RAP1B: variants seen among roughly 807,000 people sequenced by gnomAD.
RAP1B encodes the protein RAP1B, member of RAS oncogene family.
RAP1B carries 1 observed loss-of-function variant against 27.5 expected under a neutral mutation model. That is an observed-to-expected ratio of 0.04 (90% CI 0.01 to 0.17). The LOEUF (loss-of-function observed/expected upper bound fraction) is 0.17. RAP1B is among the 10% of genes least tolerant of loss of function. The probability of loss-of-function intolerance (pLI) is 1.00; values close to 1 mark genes in which losing one functional copy is unlikely to be tolerated. For synonymous variants in RAP1B, 75 were observed against 73.1 expected (o/e 1.03, Z -0.13); for missense variants, 84 against 214.8 (o/e 0.39, Z 3.81).
In RAP1B at chr12:68,666,747, T is replaced by G. The variant is rs1592478429; in HGVS notation, c.*7498T>G. 3 of 152,164 alleles carry G rather than the reference T, an allele frequency of 2.0e-5. No individual in the cohort carries two copies. In the East Asian group the frequency reaches 5.8e-4, roughly 29 times the overall value. 9.4% of individuals were successfully genotyped at this position (152,164 alleles called of 1,614,324 possible). A position where few individuals can be genotyped will look rare whatever the true frequency, so the allele number is the denominator to read the frequency against. On this transcript the variant is annotated 3_prime_UTR_variant, in exon 8 of 8. Coordinates refer to ENST00000250559, the MANE Select transcript of RAP1B (RefSeq NM_001010942.3). ...GAGCCATTAACAACCTACCAAAACATTTTAACAATTTTTCAGTACCAAAGA... is the reference window on the plus strand; with the variant it reads ...GAGCCATTAACAACCTACCAAAACAGTTTAACAATTTTTCAGTACCAAAGA...
intron 1 of RAP1B, chr12:68,624,504 T>G (rs1359231252): frequency 6.6e-6 from 1 of 152,174 alleles, no homozygotes; most frequent in East Asian, 1.9e-4. Context: ...TTAAAAATCC[T>G]CAGACCAGAC....
chr12:68,653,590 A>AT (rs1180239082), intron 4 of RAP1B, among the ~76,000 whole-genome samples: 1 of 152,140 alleles, frequency 6.6e-6, no homozygotes, highest in South Asian at 2.1e-4. Context: ...ACTTGAGTAT[A>AT]TTTTTTGTAT....
intron 1 of RAP1B, among the ~76,000 whole-genome samples, chr12:68,645,020 G>A (rs1048188630): frequency 9.2e-5 from 14 of 152,104 alleles, no homozygotes; most frequent in African/African-American, 1.7e-4. Context: ...TTTTGTTGAC[G>A]AGTATGTGCA....
intron 1 of RAP1B, among the ~76,000 whole-genome samples, chr12:68,632,757 G>A (rs1872357948): frequency 6.6e-6 from 1 of 152,102 alleles, no homozygotes; most frequent in Non-Finnish European, 1.5e-5. Context: ...TAAGATATAA[G>A]ATACTTAACT....
Position 68,650,384 on chromosome 12 carries a change from T to C in RAP1B, c.58-16T>C. The C allele has an allele frequency of 6.5e-7, 1 of 1,534,178 alleles. No homozygotes were observed. Among genetic ancestry groups the C allele is most frequent in the Non-Finnish European group, 8.8e-7 (1 of 1,136,210 alleles). On this transcript the variant is annotated splice_polypyrimidine_tract_variant and intron_variant, in intron 2 of 7. Transcript: ENST00000250559. ...TTTTCTTTAGAAGTATAATGGTTTCTTAATTTTTTTTTCAGACTGTACAAT... is the reference window on the plus strand; with the variant it reads ...TTTTCTTTAGAAGTATAATGGTTTCCTAATTTTTTTTTCAGACTGTACAAT...
chr12:68,654,077 T>C (rs767596704), intron 4 of RAP1B, 35 bp from the exon 5 acceptor site: 3 of 1,530,834 alleles, frequency 2.0e-6, no homozygotes, highest in South Asian at 2.3e-5. Flanking sequence ...GTCAAAACAT[T>C]ATTGTTTTTT....
intron 1 of RAP1B, among the ~76,000 whole-genome samples, chr12:68,641,691 A>C (rs577545591): frequency 1.3e-5 from 2 of 152,144 alleles, no homozygotes; most frequent in Non-Finnish European, 2.9e-5. Context: ...TAAATGACCT[A>C]ATACTAAAAA....
Position 68,668,690 on chromosome 12 carries a change from A to G in RAP1B, c.*9441A>G, listed in dbSNP as rs1245659522. ...TGAATCACAAATAGAAGTTTAAGAA[A>G]GCTGTCAGGTAGGCGCCTCAAATTC... On this transcript the variant is annotated 3_prime_UTR_variant, in exon 8 of 8. Coordinates refer to ENST00000250559, the MANE Select transcript of RAP1B (RefSeq NM_001010942.3). 6.6e-6 allele frequency: 1 copy of G among 152,208 alleles called. No homozygotes were observed. Among genetic ancestry groups the G allele is most frequent in the African/African-American group, 2.4e-5 (1 of 41,448 alleles). The allele number at this position is 152,208 out of a possible 1,614,324, so 9.4% of individuals were successfully genotyped here. A position where few individuals can be genotyped will look rare whatever the true frequency, so the allele number is the denominator to read the frequency against.
intron 1 of RAP1B, among the ~76,000 whole-genome samples, chr12:68,633,655 G>A (rs1406727331): frequency 2.6e-5 from 4 of 152,108 alleles, no homozygotes; most frequent in African/African-American, 9.7e-5. Context: ...CGGCTCTTGA[G>A]GTCAAGAGTT....
intron 1 of RAP1B, among the ~76,000 whole-genome samples, chr12:68,631,163 G>A (rs1872207394): frequency 6.6e-6 from 1 of 152,098 alleles, no homozygotes; most frequent in African/African-American, 2.4e-5. Context: ...AAGCAAAAAT[G>A]TTTGCATATG....
chr12:68,651,127 G>A (rs985527070), intron 3 of RAP1B, among the ~76,000 whole-genome samples: 7 of 152,192 alleles, frequency 4.6e-5, no homozygotes, highest in African/African-American at 4.8e-5. Context: ...CACTTGTAGC[G>A]TGATGTTCCA....
rs1184228692 is a variant in RAP1B, at chr12:68,663,061, TC to T, written c.*3813del. The T allele has an allele frequency of 6.6e-6, 1 of 151,892 alleles. No homozygotes were observed. The highest frequency in any genetic ancestry group is 1.5e-5 in the Non-Finnish European group (1 of 68,018). 9.4% of individuals were successfully genotyped at this position (151,892 alleles called of 1,614,324 possible). A position where few individuals can be genotyped will look rare whatever the true frequency, so the allele number is the denominator to read the frequency against. On this transcript the variant is annotated 3_prime_UTR_variant, in exon 8 of 8. Coordinates refer to ENST00000250559, the MANE Select transcript of RAP1B (RefSeq NM_001010942.3). ...AACACATTTGAATTTTCTTTTTTTT[TC>T]TTTTTCTTTTTTTTTTTTGAGACTG...
chr12:68,627,639 T>TG (rs901848264), intron 1 of RAP1B, among the ~76,000 whole-genome samples: 5 of 152,132 alleles, frequency 3.3e-5, no homozygotes, highest in African/African-American at 1.2e-4. Flanking sequence ...TGCTGGAATG[T>TG]GACCCATACC....
intron 1 of RAP1B, among the ~76,000 whole-genome samples, chr12:68,618,924 G>A (rs1478961725): frequency 6.6e-6 from 1 of 152,018 alleles, no homozygotes; most frequent in African/African-American, 2.4e-5. Context: ...CTTGGGCAAT[G>A]TAGTGAGAGC....
At chr12:68,613,410 G>A (rs78688329) in intron 1 of RAP1B, among the ~76,000 whole-genome samples, 2 of 144,324 alleles carry the variant, frequency 1.4e-5, no homozygotes, top group Non-Finnish European at 3.1e-5. Context: ...AAAAAAAAAG[G>A]AGATAAGAAA....
chr12:68,615,354 CAT>C (rs1237368066), intron 1 of RAP1B, among the ~76,000 whole-genome samples: 1 of 151,904 alleles, frequency 6.6e-6, no homozygotes, highest in African/African-American at 2.4e-5. Flanking sequence ...ATATTTACAA[CAT>C]GAGTTACAGA....
At chr12:68,617,613 T>C (rs764945019) in intron 1 of RAP1B, among the ~76,000 whole-genome samples, 1 of 152,224 alleles carries the variant, frequency 6.6e-6, no homozygotes, top group Non-Finnish European at 1.5e-5. Context: ...ATCACTACAA[T>C]GACTTTTTTA....
intron 1 of RAP1B, among the ~76,000 whole-genome samples, chr12:68,614,424 G>A (rs1450077060): frequency 1.3e-5 from 2 of 152,162 alleles, no homozygotes; most frequent in African/African-American, 2.4e-5. Flanking sequence ...GTATTGATCT[G>A]CAGTTTCTAG....
intron 1 of RAP1B, among the ~76,000 whole-genome samples, chr12:68,615,775 GTA>G (rs1474626585): frequency 6.6e-6 from 1 of 151,892 alleles, no homozygotes; most frequent in African/African-American, 2.4e-5. Context: ...TTATACATGT[GTA>G]TATATATACA....
Sources: gnomAD v4.1 joint callset for allele counts (sites outside exome capture counted in the v4.1 genomes callset) on GRCh38, gnomAD v4.1.1 for gene constraint, MANE v1.5 for transcripts, NCBI Gene and HGNC (gene_info 2026-07-23, HGNC 2026-07-21) for gene names.